The following NBAS variants were observed in gnomAD, a reference collection of about 807,000 sequenced individuals.
NBAS encodes NAG/BC035112 fusion.
A neutral mutation model predicts 302.5 loss-of-function variants in NBAS; 219 were observed. That is an observed-to-expected ratio of 0.72 (90% CI 0.65 to 0.81). NBAS has a LOEUF of 0.81. Among genes scored for constraint, NBAS ranks in the 30% least tolerant of loss-of-function variants. The pLI is 0.00. For missense variants in NBAS, 2,932 were observed against 2,841.6 expected, an observed-to-expected ratio of 1.03 and a Z score of -0.72; for synonymous variants, 1,118 against 1,021.6, an observed-to-expected ratio of 1.09 and a Z score of -1.80.
intron 38 of NBAS, among the ~76,000 whole-genome samples, chr2:15,321,003 G>A (rs1480348471): frequency 6.6e-6 from 1 of 152,110 alleles, no homozygotes; most frequent in Non-Finnish European, 1.5e-5. Context: ...TATACTACAA[G>A]GCTATAGTAA....
chr2:15,211,925 A>G (rs1180232561), intron 48 of NBAS, among the ~76,000 whole-genome samples: 2 of 152,322 alleles, frequency 1.3e-5, no homozygotes, highest in Non-Finnish European at 1.5e-5. Context: ...CCTTCCAAAA[A>G]GCATTCTTCA....
At chr2:15,523,892 G>A (rs1216888911) in intron 9 of NBAS, among the ~76,000 whole-genome samples, 2 of 152,090 alleles carry the variant, frequency 1.3e-5, no homozygotes, top group East Asian at 3.9e-4. Context: ...CCAGCCTGGG[G>A]AACAGAGTGA....
the NBAS span, among the ~76,000 whole-genome samples, chr2:14,854,509 A>G: frequency 6.6e-6 from 1 of 151,970 alleles, no homozygotes; most frequent in Non-Finnish European, 1.5e-5. Flanking sequence ...TGTAACTTCA[A>G]ATTGCTGAAA....
At chr2:15,212,313 GGGCCACACCCTTCCGTGT>G (rs1460986322) in intron 48 of NBAS, among the ~76,000 whole-genome samples, 3 of 152,068 alleles carry the variant, frequency 2.0e-5, no homozygotes, top group Non-Finnish European at 4.4e-5. Flanking sequence ...GTTGCTTCTC[GGGCCACACCCTTCCGTGT>G]TGCCTGAGCA....
chr2:14,869,647 T>C, the NBAS span, among the ~76,000 whole-genome samples: 36 of 152,288 alleles, frequency 2.4e-4, no homozygotes, highest in Non-Finnish European at 4.4e-4. Flanking sequence ...CACTCCTCCT[T>C]GTCTGGGTGG....
chr2:15,408,949 A>G (rs1262557295), intron 25 of NBAS, among the ~76,000 whole-genome samples: 1 of 152,152 alleles, frequency 6.6e-6, no homozygotes, highest in Non-Finnish European at 1.5e-5. Context: ...AGCTGGGAGG[A>G]CTGCTTGAGG....
At chr2:15,324,207 T>C (rs1296352703) in intron 38 of NBAS, among the ~76,000 whole-genome samples, 2 of 152,078 alleles carry the variant, frequency 1.3e-5, no homozygotes, top group South Asian at 2.1e-4. Flanking sequence ...CAAAGAAAAA[T>C]GGAATAATAT....
In NBAS at chr2:15,403,895, GTGTGTC is replaced by G. The variant is rs1181461123; in HGVS notation, c.2938-1600_2938-1595del. Among the ~76,000 whole-genome samples the G allele has an allele frequency of 4.8e-3, 673 of 139,818 alleles. 6 individuals are homozygous for G. The highest frequency in any genetic ancestry group is 0.016 in the African/African-American group (610 of 37,946). The allele number at this position is 139,818 out of a possible 152,430, so 91.7% of individuals were successfully genotyped here. ...TGTGTGTGTGTGTGTGTGTGTGTGT[GTGTGTC>G]TATACACTTTTTTTTTTTTTCCAGA... On this transcript the variant is annotated intron_variant, in intron 25 of 51. Transcript: ENST00000281513.
chr2:15,481,012 A>T (rs1680406816), intron 12 of NBAS, among the ~76,000 whole-genome samples: 1 of 152,192 alleles, frequency 6.6e-6, no homozygotes, highest in African/African-American at 2.4e-5. Context: ...AGGAACCACC[A>T]ATCTGCTTCC....
At chr2:15,101,350 T>A in the NBAS span, among the ~76,000 whole-genome samples, 1 of 152,166 alleles carries the variant, frequency 6.6e-6, no homozygotes, top group African/African-American at 2.4e-5. Flanking sequence ...TAGGATATTA[T>A]CTATGTTGTT....
At chr2:15,525,503 T>G (rs570284368) in intron 9 of NBAS, among the ~76,000 whole-genome samples, 1 of 152,364 alleles carries the variant, frequency 6.6e-6, no homozygotes, top group African/African-American at 2.4e-5. Context: ...TTTAAAATTT[T>G]CTATAGATAT....
chr2:15,020,952 C>T, the NBAS span, among the ~76,000 whole-genome samples: 1 of 152,144 alleles, frequency 6.6e-6, no homozygotes, highest in Non-Finnish European at 1.5e-5. Flanking sequence ...GCTGACCTGG[C>T]CAGGCATGGT....
chr2:14,862,581 A>G, the NBAS span, among the ~76,000 whole-genome samples: 85,405 of 152,098 alleles, frequency 0.56, 26,288 homozygotes, highest in African/African-American at 0.84. Context: ...TAAGTTTCAG[A>G]TTCTTCATCT....
chr2:14,783,459 A>ACCCC, the NBAS span, among the ~76,000 whole-genome samples: 1 of 128,114 alleles, frequency 7.8e-6, no homozygotes, highest in African/African-American at 2.9e-5. Context: ...TCCTAATGCT[A>ACCCC]TCCCTCCCCC....
At chr2:15,281,688 A>C in intron 42 of NBAS, among the ~76,000 whole-genome samples, 1 of 152,216 alleles carries the variant, frequency 6.6e-6, no homozygotes, top group Non-Finnish European at 1.5e-5. Flanking sequence ...TCTATCAATA[A>C]TATTCTACAA....
the NBAS span, among the ~76,000 whole-genome samples, chr2:14,823,935 C>T: frequency 6.6e-6 from 1 of 152,334 alleles, no homozygotes; most frequent in Admixed American, 6.5e-5. Flanking sequence ...AACCAAACCA[C>T]TCCGAGGCAC....
intron 42 of NBAS, among the ~76,000 whole-genome samples, chr2:15,285,033 T>G (rs1394407353): frequency 7.2e-5 from 11 of 152,192 alleles, no homozygotes; most frequent in Non-Finnish European, 1.5e-5. Context: ...TTACGTAACA[T>G]TCAATGAAAG....
the NBAS span, among the ~76,000 whole-genome samples, chr2:14,972,113 C>T: frequency 4.6e-5 from 7 of 152,194 alleles, no homozygotes; most frequent in African/African-American, 9.6e-5. Flanking sequence ...TGGAATACTA[C>T]GCAGCCATAA....
the NBAS span, among the ~76,000 whole-genome samples, chr2:14,873,381 AT>A: frequency 2.6e-5 from 4 of 152,146 alleles, no homozygotes; most frequent in African/African-American, 7.2e-5. Context: ...CACCTGATTA[AT>A]TTTTTTGTAT....
Sources: allele counts gnomAD v4.1 joint callset (sites outside exome capture counted in the v4.1 genomes callset), GRCh38; gene constraint gnomAD v4.1.1; transcripts MANE v1.5; gene names NCBI Gene and HGNC (gene_info 2026-07-23, HGNC 2026-07-21).